The following MUCL3 variants were observed in gnomAD, a reference collection of about 807,000 sequenced individuals.
MUCL3 encodes the protein mucin-like protein 3.
MUCL3 carries 42 observed loss-of-function variants against 70.2 expected under a neutral mutation model. That is an observed-to-expected ratio of 0.60 (90% CI 0.47 to 0.77). MUCL3 has a LOEUF of 0.77. MUCL3 is among the 30% of genes least tolerant of loss of function. MUCL3 has a pLI of 0.00. For missense variants in MUCL3, 1,429 were observed against 1,670.0 expected (o/e 0.86, Z 2.52); for synonymous variants, 522 against 647.0 (o/e 0.81, Z 2.93).
rs1227884033 is a variant in MUCL3 at position 30,948,541 on chromosome 6, C to A, written c.83-6C>A. On this transcript the variant is annotated splice_polypyrimidine_tract_variant and splice_region_variant and intron_variant, in intron 1 of 2. Coordinates refer to ENST00000462446, the MANE Select transcript of MUCL3 (RefSeq NM_080870.4). Reference sequence around the variant, plus strand: ...AAGTTTCTTATTTGCCTCTCTCCCTCCACAGGTGCTACTACATTCCAAGAA... The same window carrying A: ...AAGTTTCTTATTTGCCTCTCTCCCTACACAGGTGCTACTACATTCCAAGAA... 1.3e-6 allele frequency: 2 copies of A among 1,518,640 alleles called. No individual in the cohort carries two copies. Among genetic ancestry groups the A allele is most frequent in the South Asian group, 1.3e-5 (1 of 78,406 alleles). The allele number at this position is 1,518,640 out of a possible 1,614,324, so 94.1% of individuals were successfully genotyped here. A position where few individuals can be genotyped will look rare whatever the true frequency, so the allele number is the denominator to read the frequency against.
chr6:30,949,112 A>C lies in MUCL3; in HGVS notation c.648A>C (p.Ser216=). ...CTTCCTTCCACAACTCAGGCAATTCACAGACCAAGCAAAAAAGCACATCTT... is the reference window on the plus strand; with the variant it reads ...CTTCCTTCCACAACTCAGGCAATTCCCAGACCAAGCAAAAAAGCACATCTT... The part of the protein sequence containing the change: ...TTTSFHNSGN[S]QTKQKSTSFP... The change falls in exon 2 of 3, where the codon TCA becomes TCC. Residue 216 remains serine (S), a synonymous_variant. Transcript: ENST00000462446. 1 of 1,551,330 alleles carries C rather than the reference A, an allele frequency of 6.4e-7. No homozygotes were observed. Among genetic ancestry groups the C allele is most frequent in the Non-Finnish European group, 8.7e-7 (1 of 1,146,910 alleles).
chr6:30,951,936 A>C lies in MUCL3; in HGVS notation c.3472A>C (p.Lys1158Gln). The change falls in exon 2 of 3, where the codon AAG (lysine) becomes CAG (glutamine). Residue 1158 changes from lysine to glutamine, a missense_variant. By Grantham distance (53) the Lys-to-Gln change is moderately conservative. Transcript: ENST00000462446. ...HAKRTTLAHE[K>Q]MTQVTEKSTE... ...AAAAAGGACCACATTGGCCCATGAG[A>C]AGATGACACAAGTCACAGAAAAGTC... The C allele has an allele frequency of 1.9e-6, 3 of 1,612,946 alleles. No homozygotes were observed. The highest frequency in any genetic ancestry group is 2.5e-6 in the Non-Finnish European group (3 of 1,179,766).
In MUCL3 at chr6:30,948,478, A is replaced by G. The variant is rs963344942; in HGVS notation, c.83-69A>G. On this transcript the variant is annotated intron_variant, in intron 1 of 2. Transcript: ENST00000462446. The stretch of plus-strand genomic sequence containing the variant: ...GGGGAACAAAGAGATCCCCTAGAGA[A>G]GGAGGTGGGAAGGGGGAGTTGGAGA... 32 of 1,212,942 alleles carry G rather than the reference A, an allele frequency of 2.6e-5. No homozygotes were observed. In the African/African-American group the frequency reaches 4.8e-4, roughly 18 times the overall value. The allele number at this position is 1,212,942 out of a possible 1,614,324, so 75.1% of individuals were successfully genotyped here.
intron 1 of MUCL3, among the ~76,000 whole-genome samples, chr6:30,941,956 A>T (rs188867006): frequency 6.6e-6 from 1 of 152,118 alleles, no homozygotes; most frequent in Admixed American, 6.5e-5. Context: ...TTTTGTGCAG[A>T]CCTAGCTTCC....
Position 30,953,229 on chromosome 6 carries a change from A to G in MUCL3, c.*112A>G, listed in dbSNP as rs1042329189. ...ACTACAGGAAGGGCAGAGAATACTG[A>G]CGGTTACCAGTATTAACCCTTCATC... is the stretch of plus-strand genomic sequence containing the variant. On this transcript the variant is annotated 3_prime_UTR_variant, in exon 3 of 3. Coordinates refer to ENST00000462446, the MANE Select transcript of MUCL3 (RefSeq NM_080870.4). 6.9e-7 allele frequency: 1 copy of G among 1,439,082 alleles called. No individual in the cohort carries two copies. 89.1% of individuals were successfully genotyped at this position (1,439,082 alleles called of 1,614,324 possible).
chr6:30,941,616 C>T (rs988007454), intron 1 of MUCL3, among the ~76,000 whole-genome samples: 3 of 151,722 alleles, frequency 2.0e-5, no homozygotes, highest in Admixed American at 6.6e-5. Flanking sequence ...CCTGCCACCA[C>T]GCCTGGCTCA....
chr6:30,941,457 C>CTTTTTTTTT (rs9278811), intron 1 of MUCL3, among the ~76,000 whole-genome samples: 1 of 105,258 alleles, frequency 9.5e-6, no homozygotes, highest in Non-Finnish European at 2.0e-5. Flanking sequence ...TCTTCTTCTT[C>CTTTTTTTTT]TTTTTTTTTT....
At chr6:30,952,629 A>G (rs1338558054) in intron 2 of MUCL3, 130 bp downstream of exon 2, 1 of 1,071,626 alleles carries the variant, frequency 9.3e-7, no homozygotes, top group Non-Finnish European at 1.3e-6. Context: ...GAACAGTAAT[A>G]GAGGGAGAGT....
chr6:30,944,763 C>A (rs970699046), intron 1 of MUCL3, among the ~76,000 whole-genome samples: 1 of 152,308 alleles, frequency 6.6e-6, no homozygotes, highest in South Asian at 2.1e-4. Flanking sequence ...CAAAACAGTT[C>A]TTTTCGGGCT....
At chr6:30,941,483 G>T (rs1795575963) in intron 1 of MUCL3, among the ~76,000 whole-genome samples, 1 of 138,670 alleles carries the variant, frequency 7.2e-6, no homozygotes, top group Non-Finnish European at 1.5e-5. Context: ...TTTTTGAGAA[G>T]GAGTCTTGCT....
Position 30,952,318 on chromosome 6 carries a change from G to GC in MUCL3, c.3854_3855insC (p.Ser1286PhefsTer17). ...CTCATTACATCTAGAACGAAGCTGA[G>GC]TTCTATCACATCAGAAGCCACAGGA... On this transcript the variant is annotated frameshift_variant, in exon 2 of 3. Coordinates refer to ENST00000462446, the MANE Select transcript of MUCL3 (RefSeq NM_080870.4). LOFTEE classifies it high-confidence loss of function. 6.2e-7 allele frequency: 1 copy of GC among 1,614,134 alleles called. No individual in the cohort carries two copies. The highest frequency in any genetic ancestry group is 8.5e-7 in the Non-Finnish European group (1 of 1,180,014).
In MUCL3 at chr6:30,952,472, C is replaced by G. The variant is rs748102841; in HGVS notation, c.4008C>G (p.Leu1336=). 5 of 1,608,388 alleles carry G rather than the reference C, an allele frequency of 3.1e-6. No individual in the cohort carries two copies. The highest frequency in any genetic ancestry group is 1.7e-5 in the Admixed American group (1 of 59,332). Residue 1336 remains leucine, a synonymous_variant, in exon 2 of 3, where the codon CTC becomes CTG. Transcript: ENST00000462446. ...VIVVLVAVIL[L]LVFLGLIFLV... ...TGGTCCTGGTGGCTGTGATTCTCCT[C>G]CTGGTGTTCCTTGGCCTGATCTTCT...
At chr6:30,952,905 G>C (rs1760782448) in intron 2 of MUCL3, 66 bp from the exon 3 acceptor site, 1 of 1,575,522 alleles carries the variant, frequency 6.3e-7, no homozygotes, top group Non-Finnish European at 8.6e-7. Context: ...ATCAAGACCT[G>C]AGGTGAGTGT....
At position 30,951,671 on chromosome 6, in the gene MUCL3, T is replaced by TTC. The variant is rs1760703304; in HGVS notation, c.3207_3208insTC (p.Thr1070SerfsTer33). 6.5e-7 allele frequency: 1 copy of TTC among 1,550,256 alleles called. No individual in the cohort carries two copies. Among genetic ancestry groups the TTC allele is most frequent in the African/African-American group, 1.4e-5 (1 of 72,294 alleles). On this transcript the variant is annotated frameshift_variant, in exon 2 of 3. Coordinates refer to ENST00000462446, the MANE Select transcript of MUCL3 (RefSeq NM_080870.4). LOFTEE classifies it high-confidence loss of function. ...AGCCTACAGAACATGGAGAAAAGAC[T>TTC]ACATTGGCCAATGAGAAGATCACAC... is the stretch of plus-strand genomic sequence containing the variant.
intron 1 of MUCL3, among the ~76,000 whole-genome samples, chr6:30,946,521 C>CATGTTTAAAA (rs1795788731): frequency 6.6e-6 from 1 of 152,216 alleles, no homozygotes; most frequent in African/African-American, 2.4e-5. Flanking sequence ...ACATCTGGGG[C>CATGTTTAAAA]ACAGTGAAAA....
At chr6:30,943,195 C>T (rs934244004) in intron 1 of MUCL3, among the ~76,000 whole-genome samples, 4 of 152,218 alleles carry the variant, frequency 2.6e-5, no homozygotes, top group Non-Finnish European at 2.9e-5. Context: ...AACACCCAGA[C>T]AGATAACTAG....
chr6:30,952,176 G>C lies in MUCL3; in HGVS notation c.3712G>C (p.Val1238Leu), dbSNP rs754309761. The C allele has an allele frequency of 5.6e-6, 9 of 1,613,782 alleles. No homozygotes were observed. Among genetic ancestry groups the C allele is most frequent in the Non-Finnish European group, 7.6e-6 (9 of 1,180,010 alleles). The change falls in exon 2 of 3, where the codon GTC becomes CTC. Residue 1238 changes from valine to leucine, a missense_variant. Coordinates refer to ENST00000462446, the MANE Select transcript of MUCL3 (RefSeq NM_080870.4). ...STENPEKTAA[V>L]TKTIKPSVKV... ...AGAAAACCCAGAAAAAACAGCAGCA[G>C]TCACAAAGACTATAAAACCTTCAGT... is the stretch of plus-strand genomic sequence containing the variant.
chr6:30,949,989 A>C lies in MUCL3; in HGVS notation c.1525A>C (p.Asn509His). The change falls in exon 2 of 3, where the codon AAT becomes CAT. Residue 509 changes from asparagine to histidine, a missense_variant. By Grantham distance (68) the Asn-to-His change is moderately conservative. Coordinates refer to ENST00000462446, the MANE Select transcript of MUCL3 (RefSeq NM_080870.4). ...AAATGGACAAAGGACCCCATTTGCC[A>C]ATGAGAAAACCACATCATCCTCAGC... ...TENGQRTPFA[N>H]EKTTSSSAEP... is the part of the protein sequence containing the mutation. 1 of 1,550,322 alleles carries C rather than the reference A, an allele frequency of 6.5e-7. No homozygotes were observed. The highest frequency in any genetic ancestry group is 8.7e-7 in the Non-Finnish European group (1 of 1,146,744).
rs1444986621 is a variant in MUCL3 at position 30,948,623 on chromosome 6, C to A, written c.159C>A (p.Gly53=). 2 of 1,551,480 alleles carry A rather than the reference C, an allele frequency of 1.3e-6. No individual in the cohort carries two copies. The highest frequency in any genetic ancestry group is 1.7e-6 in the Non-Finnish European group (2 of 1,146,980). ...ATCACATATTTCCCCTCACTCCAGG[C>A]CTTGTTTATAGTATCCCTTTTGATC... ...TSDHIFPLTP[G]LVYSIPFDHI... The change falls in exon 2 of 3, where the codon GGC becomes GGA. Residue 53 remains glycine (G), a synonymous_variant. Transcript: ENST00000462446.
Sources: allele counts gnomAD v4.1 joint callset (sites outside exome capture counted in the v4.1 genomes callset), GRCh38; gene constraint gnomAD v4.1.1; transcripts MANE v1.5; gene names NCBI Gene and HGNC (gene_info 2026-07-23, HGNC 2026-07-21).